The following GMDS variants were observed in gnomAD, a reference collection of about 807,000 sequenced individuals.
GMDS encodes GDP-mannose 4,6-dehydratase, also known as GDP-mannose 4,6 dehydratase.
In GMDS, 20 loss-of-function variants were observed where a neutral mutation model predicts 49.9. The ratio of observed to expected loss-of-function variants is 0.40; its 90% confidence interval spans 0.28 to 0.58. The LOEUF (loss-of-function observed/expected upper bound fraction) is 0.58. Ranked by LOEUF, GMDS falls within the 20% of genes least tolerant of loss-of-function variation. The pLI is 0.42. For synonymous variants in GMDS, 177 were observed against 178.6 expected, an observed-to-expected ratio of 0.99 and a Z score of 0.07; for missense variants, 362 against 481.4, an observed-to-expected ratio of 0.75 and a Z score of 2.32.
At chr6:2,116,926 A>G (rs1774879480) in intron 3 of GMDS, among the ~76,000 whole-genome samples, 1 of 152,196 alleles carries the variant, frequency 6.6e-6, no homozygotes, top group Admixed American at 6.5e-5. Flanking sequence ...CTCAAACAAG[A>G]AAACAGTCTG....
intron 6 of GMDS, among the ~76,000 whole-genome samples, chr6:1,944,356 T>G (rs1762959052): frequency 6.6e-6 from 1 of 151,952 alleles, no homozygotes; most frequent in South Asian, 2.1e-4. Flanking sequence ...AATACAAAAA[T>G]TAGACAGGCG....
intron 7 of GMDS, among the ~76,000 whole-genome samples, chr6:1,751,375 G>C (rs1561781017): frequency 1.3e-5 from 2 of 152,228 alleles, no homozygotes; most frequent in Admixed American, 1.3e-4. Flanking sequence ...CCGGAGGAAG[G>C]AACAGGCAGC....
At chr6:2,044,118 A>G (rs959022065) in intron 4 of GMDS, among the ~76,000 whole-genome samples, 2 of 152,210 alleles carry the variant, frequency 1.3e-5, no homozygotes, top group African/African-American at 4.8e-5. Flanking sequence ...GCTGGTGGGC[A>G]TATAAATTGT....
chr6:2,054,930 A>G (rs1660483417), intron 4 of GMDS, among the ~76,000 whole-genome samples: 2 of 152,136 alleles, frequency 1.3e-5, no homozygotes, highest in South Asian at 2.1e-4. Flanking sequence ...ACCAGCTGCT[A>G]TAAGTTTCAT....
chr6:2,128,260 C>T (rs1234055213), intron 1 of GMDS, among the ~76,000 whole-genome samples: 1 of 151,790 alleles, frequency 6.6e-6, no homozygotes, highest in Non-Finnish European at 1.5e-5. Flanking sequence ...CTGCAACCTC[C>T]ATCTCACAGG....
chr6:1,901,616 T>G (rs762377523), intron 7 of GMDS, among the ~76,000 whole-genome samples: 2 of 152,130 alleles, frequency 1.3e-5, no homozygotes, highest in Non-Finnish European at 2.9e-5. Context: ...TAGGAGAATT[T>G]TGTTGCTCTT....
At chr6:2,202,403 C>G (rs1438505147) in intron 1 of GMDS, among the ~76,000 whole-genome samples, 1 of 150,042 alleles carries the variant, frequency 6.7e-6, no homozygotes, top group Non-Finnish European at 1.5e-5. Flanking sequence ...CGAGTAAGCA[C>G]AGTCGAGTAA....
At chr6:1,742,659 A>G (rs1391229616) in intron 7 of GMDS, 73 bp from the exon 8 acceptor site, 1 of 797,324 alleles carries the variant, frequency 1.3e-6, no homozygotes, top group South Asian at 1.5e-5. Context: ...AGTGCACATA[A>G]TCAGATATGG....
In GMDS at chr6:1,778,806, C is replaced by G. The variant is rs991459686; in HGVS notation, c.772-36220G>C. ...CTGACCAGTGTGGGCCAGGACTGTA[C>G]CAGCTCTGCAGTCAGAACTTGGCCC... On this transcript the variant is annotated intron_variant, in intron 7 of 10. Transcript: ENST00000380815. This position sits in a 1 kb window ranked among gnomAD's most constrained non-coding sequence, Gnocchi z 4.6. Among the ~76,000 whole-genome samples the G allele has an allele frequency of 1.3e-5, 2 of 152,120 alleles. No individual in the cohort carries two copies. Among genetic ancestry groups the G allele is most frequent in the Admixed American group, 1.3e-4 (2 of 15,280 alleles).
At chr6:1,685,017 C>CA (rs770989360) in intron 9 of GMDS, among the ~76,000 whole-genome samples, 1 of 112,424 alleles carries the variant, frequency 8.9e-6, no homozygotes, top group Non-Finnish European at 1.9e-5. Flanking sequence ...CTCTCCCCCC[C>CA]CTTTTTTTTT....
chr6:1,725,716 G>A (rs1448842759), intron 9 of GMDS, among the ~76,000 whole-genome samples: 1 of 152,242 alleles, frequency 6.6e-6, no homozygotes, highest in Non-Finnish European at 1.5e-5. Context: ...ATAGGCATGA[G>A]CCACTGTGCC....
At chr6:1,993,599 A>C (rs976546017) in intron 4 of GMDS, among the ~76,000 whole-genome samples, 1 of 152,206 alleles carries the variant, frequency 6.6e-6, no homozygotes, top group Admixed American at 6.5e-5. Context: ...CTCTGTTTCT[A>C]TCTCTTCAGG....
At chr6:1,663,262 G>A (rs892040975) in intron 9 of GMDS, among the ~76,000 whole-genome samples, 6 of 152,170 alleles carry the variant, frequency 3.9e-5, no homozygotes, top group Non-Finnish European at 5.9e-5. Flanking sequence ...TGATGGCAAC[G>A]CACAGAAGCA....
chr6:1,919,855 C>T (rs1761630831), intron 7 of GMDS, among the ~76,000 whole-genome samples: 1 of 152,152 alleles, frequency 6.6e-6, no homozygotes. Context: ...ACCGTTGATG[C>T]CCTGGGCCAT....
intron 6 of GMDS, 53 bp from the exon 7 acceptor site, chr6:1,930,283 C>T (rs895482834): frequency 6.5e-7 from 1 of 1,543,952 alleles, no homozygotes; most frequent in East Asian, 2.3e-5. Context: ...ACACATTTAA[C>T]AGTTTGGTGA....
At chr6:1,889,179 A>G (rs1400412478) in intron 7 of GMDS, among the ~76,000 whole-genome samples, 3 of 152,184 alleles carry the variant, frequency 2.0e-5, no homozygotes, top group Non-Finnish European at 1.5e-5. Context: ...CATTCTCCAC[A>G]CACTCATTAA....
At chr6:2,126,167 T>C (rs1159866550) in intron 1 of GMDS, among the ~76,000 whole-genome samples, 4 of 152,198 alleles carry the variant, frequency 2.6e-5, no homozygotes, top group Non-Finnish European at 5.9e-5. Flanking sequence ...GTAGGTGCTA[T>C]AAAAAGTCAC....
At chr6:1,636,986 G>A (rs984226395) in intron 9 of GMDS, among the ~76,000 whole-genome samples, 17 of 152,242 alleles carry the variant, frequency 1.1e-4, no homozygotes, top group African/African-American at 4.1e-4. Context: ...ATTCTGCCAG[G>A]CCTGCTGGTG....
intron 9 of GMDS, among the ~76,000 whole-genome samples, chr6:1,701,250 A>AGG (rs1765534739): frequency 1.3e-5 from 2 of 152,226 alleles, no homozygotes; most frequent in Non-Finnish European, 1.5e-5. Flanking sequence ...AGCTGACCCC[A>AGG]ATTCCACACA....
Sources: gnomAD v4.1 joint callset for allele counts (sites outside exome capture counted in the v4.1 genomes callset) on GRCh38, gnomAD v4.1.1 for gene constraint, Gnocchi (gnomAD v3.1) non-coding constraint, MANE v1.5 for transcripts, NCBI Gene and HGNC (gene_info 2026-07-23, HGNC 2026-07-21) for gene names.